EYS: variants seen among roughly 807,000 people sequenced by gnomAD.
EYS encodes EGF-like photoreceptor maintenance factor, also known as protein eyes shut homolog.
A neutral mutation model predicts 282.1 loss-of-function variants in EYS; 250 were observed. That is an observed-to-expected ratio of 0.89 (90% CI 0.80 to 0.98). The LOEUF is 0.98. EYS is among the 50% of genes least tolerant of loss of function. The pLI, the probability that EYS is intolerant of heterozygous loss-of-function variation, is 0.00. For missense variants in EYS, 4,016 were observed against 3,709.0 expected (o/e 1.08, Z -2.15); for synonymous variants, 1,355 against 1,282.9 (o/e 1.06, Z -1.20).
At chr6:64,808,084 C>T (rs1428545262) in intron 22 of EYS, among the ~76,000 whole-genome samples, 3 of 149,546 alleles carry the variant, frequency 2.0e-5, no homozygotes, top group Admixed American at 1.3e-4. Context: ...CCTTCCCTTC[C>T]TCCCTTCCCT....
At chr6:65,347,984 T>C (rs1463240934) in intron 9 of EYS, among the ~76,000 whole-genome samples, 1 of 151,748 alleles carries the variant, frequency 6.6e-6, no homozygotes, top group Non-Finnish European at 1.5e-5. Context: ...TGTGAATTTG[T>C]CTTTCTGCGC....
intron 41 of EYS, among the ~76,000 whole-genome samples, chr6:63,727,074 G>A (rs1328423431): frequency 4.6e-5 from 7 of 152,100 alleles, no homozygotes; most frequent in East Asian, 1.9e-4. Context: ...CACTTTATAA[G>A]TTATTCTTCA....
At position 65,401,506 on chromosome 6, in the gene EYS, T is replaced by C. The variant is rs150993468; in HGVS notation, c.1184+972A>G. Among the ~76,000 whole-genome samples, 619 of 151,928 alleles carry C rather than the reference T, an allele frequency of 4.1e-3. 4 individuals are homozygous for C. The highest frequency in any genetic ancestry group is 0.014 in the African/African-American group (587 of 41,522). The stretch of plus-strand genomic sequence containing the variant: ...AAAGTAAATATTTTTAAAGGGATAG[T>C]ATTCAGGTTTATTGATGAATTAATA... On this transcript the variant is annotated intron_variant, in intron 7 of 42. Coordinates refer to ENST00000503581, the MANE Select transcript of EYS (RefSeq NM_001142800.2).
chr6:63,863,895 C>T (rs954414550), intron 36 of EYS, among the ~76,000 whole-genome samples: 4 of 151,832 alleles, frequency 2.6e-5, no homozygotes, highest in Admixed American at 6.6e-5. Flanking sequence ...AGGTGGGTCT[C>T]GAATTTCTGA....
intron 26 of EYS, among the ~76,000 whole-genome samples, chr6:64,454,214 C>G (rs1033205474): frequency 2.6e-5 from 4 of 152,078 alleles, no homozygotes; most frequent in Non-Finnish European, 5.9e-5. Flanking sequence ...GAATCTGTTT[C>G]TGGGCTCATT....
At chr6:64,798,308 C>T (rs1240389484) in intron 22 of EYS, among the ~76,000 whole-genome samples, 1 of 151,848 alleles carries the variant, frequency 6.6e-6, no homozygotes, top group Non-Finnish European at 1.5e-5. Context: ...TAATTAATGG[C>T]TTGGTGAATA....
chr6:63,871,767 G>T (rs1396309089), intron 35 of EYS, among the ~76,000 whole-genome samples: 1 of 152,118 alleles, frequency 6.6e-6, no homozygotes, highest in Non-Finnish European at 1.5e-5. Context: ...CATTCCCTTT[G>T]CCAACTGGGG....
chr6:64,282,115 A>C (rs1176063517), intron 30 of EYS, among the ~76,000 whole-genome samples: 1 of 152,188 alleles, frequency 6.6e-6, no homozygotes, highest in African/African-American at 2.4e-5. Context: ...AGCAAGCAAT[A>C]TGAAATAAAA....
At chr6:64,594,187 A>G (rs922004108) in intron 24 of EYS, among the ~76,000 whole-genome samples, 2 of 152,134 alleles carry the variant, frequency 1.3e-5, no homozygotes, top group Non-Finnish European at 2.9e-5. Context: ...ACTCACACCA[A>G]AAAGTTGTAT....
intron 31 of EYS, among the ~76,000 whole-genome samples, chr6:64,159,556 T>C (rs1243620493): frequency 1.1e-5 from 1 of 89,306 alleles, no homozygotes; most frequent in Non-Finnish European, 2.1e-5. Context: ...CGAGACTCTG[T>C]CTTAAAAAAA....
At chr6:64,488,408 GT>G (rs1477881741) in intron 26 of EYS, among the ~76,000 whole-genome samples, 3 of 151,032 alleles carry the variant, frequency 2.0e-5, no homozygotes, top group Non-Finnish European at 4.5e-5. Flanking sequence ...AAAAAGAGAT[GT>G]AATTGTTTAC....
intron 37 of EYS, among the ~76,000 whole-genome samples, chr6:63,799,966 T>G (rs948670990): frequency 1.3e-5 from 2 of 152,322 alleles, no homozygotes; most frequent in South Asian, 4.1e-4. Flanking sequence ...TGGTTGTTTA[T>G]GCACTGTTGG....
At chr6:64,352,048 C>T (rs953640292) in intron 29 of EYS, among the ~76,000 whole-genome samples, 3 of 151,436 alleles carry the variant, frequency 2.0e-5, no homozygotes, top group Non-Finnish European at 4.4e-5. Flanking sequence ...TAGCTGAATA[C>T]CTCCTATATT....
At chr6:64,073,151 G>A (rs1411226081) in intron 32 of EYS, among the ~76,000 whole-genome samples, 2 of 151,722 alleles carry the variant, frequency 1.3e-5, no homozygotes, top group African/African-American at 4.8e-5. Context: ...GAACAATGAA[G>A]CTTAGTTCTC....
intron 8 of EYS, among the ~76,000 whole-genome samples, chr6:65,363,559 T>C (rs988133302): frequency 6.6e-6 from 1 of 151,934 alleles, no homozygotes; most frequent in African/African-American, 2.4e-5. Context: ...ACATACTTGA[T>C]AACGTTGCCA....
chr6:65,255,240 C>T (rs568858800), intron 12 of EYS, among the ~76,000 whole-genome samples: 1 of 151,898 alleles, frequency 6.6e-6, no homozygotes, highest in East Asian at 1.9e-4. Flanking sequence ...ATAATAAACT[C>T]ATTTTCAACA....
chr6:65,160,280 A>T (rs184406180), intron 12 of EYS, among the ~76,000 whole-genome samples: 1 of 150,988 alleles, frequency 6.6e-6, no homozygotes, highest in East Asian at 2.0e-4. Flanking sequence ...GTTCCAGATT[A>T]CTGGTATAGG....
chr6:65,234,253 C>A (rs1053155542), intron 12 of EYS, among the ~76,000 whole-genome samples: 1 of 152,268 alleles, frequency 6.6e-6, no homozygotes, highest in African/African-American at 2.4e-5. Flanking sequence ...TGGAGGGAAC[C>A]ATTTTTTCTC....
At chr6:65,696,793 T>A (rs967521657) in intron 1 of EYS, among the ~76,000 whole-genome samples, 6 of 152,026 alleles carry the variant, frequency 3.9e-5, no homozygotes, top group African/African-American at 1.4e-4. Flanking sequence ...TGAAATGTAT[T>A]TTATGCACTG....
Sources: gnomAD v4.1 joint callset for allele counts (sites outside exome capture counted in the v4.1 genomes callset) on GRCh38, gnomAD v4.1.1 for gene constraint, MANE v1.5 for transcripts, NCBI Gene and HGNC (gene_info 2026-07-23, HGNC 2026-07-21) for gene names.